The following CCDC57 variants were observed in gnomAD, a reference collection of about 807,000 sequenced individuals.
CCDC57 encodes the protein coiled-coil domain containing 57, also known as coiled-coil domain-containing protein 57.
CCDC57 carries 118 observed loss-of-function variants against 118.9 expected under a neutral mutation model. The observed-to-expected ratio is 0.99, with a 90% CI of 0.86 to 1.16. CCDC57 has a LOEUF of 1.16. Ranked by LOEUF, CCDC57 falls within the 50% of genes most tolerant of loss-of-function variation. The pLI, the probability that CCDC57 is intolerant of heterozygous loss-of-function variation, is 0.00. For missense variants in CCDC57, 1,300 were observed against 1,320.7 expected (o/e 0.98, Z 0.24); for synonymous variants, 527 against 532.9 (o/e 0.99, Z 0.15).
At chr17:82,106,629 G>C (rs2034866403) in intron 19 of CCDC57, 1 of 152,386 alleles carries the variant, frequency 6.6e-6, no homozygotes, top group Admixed American at 6.5e-5. Flanking sequence ...GCGACAGGAA[G>C]TGGCAGCTGT....
intron 19 of CCDC57, among the ~76,000 whole-genome samples, chr17:82,105,544 C>T (rs753503060): frequency 5.3e-5 from 8 of 152,130 alleles, no homozygotes; most frequent in African/African-American, 7.2e-5. Context: ...TCACAGGCCA[C>T]GCCCACCCGT....
intron 19 of CCDC57, chr17:82,126,762 T>A (rs542336916): frequency 1.1e-5 from 11 of 985,450 alleles, no homozygotes; most frequent in Non-Finnish European, 1.3e-5. Context: ...TCACACACAC[T>A]GCAGCCTGTA....
At chr17:82,119,088 A>AGGTGGGGGTGGGGGTGGG (rs1327262431) in intron 19 of CCDC57, among the ~76,000 whole-genome samples, 13 of 21,032 alleles carry the variant, frequency 6.2e-4, no homozygotes, top group Admixed American at 2.8e-3. Context: ...AGCGGGCGGG[A>AGGTGGGGGTGGGGGTGGG]GGTGGGGGCG....
intron 2 of CCDC57, among the ~76,000 whole-genome samples, chr17:82,205,178 G>A (rs577346617): frequency 6.6e-6 from 1 of 152,360 alleles, no homozygotes; most frequent in South Asian, 2.1e-4. Context: ...GAACACCACT[G>A]TGATCTCTGA....
At chr17:82,161,829 CG>C (rs1395777634) in intron 14 of CCDC57, among the ~76,000 whole-genome samples, 1 of 151,448 alleles carries the variant, frequency 6.6e-6, no homozygotes, top group Non-Finnish European at 1.5e-5. Flanking sequence ...AATGTTTATG[CG>C]ACATTGTGAA....
At chr17:82,163,014 C>G (rs2043532149) in intron 14 of CCDC57, among the ~76,000 whole-genome samples, 186 bp downstream of exon 13, 1 of 152,240 alleles carries the variant, frequency 6.6e-6, no homozygotes, top group Non-Finnish European at 1.5e-5. Context: ...CTTCCACGAG[C>G]ACACCTGAGA....
chr17:82,145,919 C>T (rs937100331), intron 16 of CCDC57: 48 of 359,436 alleles, frequency 1.3e-4, no homozygotes, highest in African/African-American at 3.6e-4. Context: ...GCACAGGGGA[C>T]GCCCCGGCAC....
In CCDC57 at chr17:82,201,711, G is replaced by A. The variant is rs748929592; in HGVS notation, c.234C>T (p.Phe78=). 2.3e-5 allele frequency: 37 copies of A among 1,613,842 alleles called. 1 individual carries two copies. The highest frequency in any genetic ancestry group is 9.9e-5 in the South Asian group (9 of 91,084). ...CCTCTTCCCACTCCCTGGCCTGGGC[G>A]AAGGCGGCGTCATAGCGCTCCAGCT... Residue 78 remains phenylalanine (F), a synonymous_variant, in exon 3 of 20, where the codon TTC becomes TTT. Transcript: ENST00000665763.
At chr17:82,129,957 G>A (rs1203490279) in intron 17 of CCDC57, among the ~76,000 whole-genome samples, 1 of 152,104 alleles carries the variant, frequency 6.6e-6, no homozygotes, top group South Asian at 2.1e-4. Context: ...AGCACTTTGG[G>A]AGGCCGAGGT....
intron 4 of CCDC57, among the ~76,000 whole-genome samples, chr17:82,197,275 CTGCACA>C (rs959883706): frequency 4.9e-4 from 75 of 152,302 alleles, no homozygotes; most frequent in Non-Finnish European, 9.0e-4. Context: ...ACACCTGCAC[CTGCACA>C]GGCACAGCCC....
At chr17:82,101,753 G>T (rs201831183) in exon 20 of CCDC57, 4 of 1,609,774 alleles carry the variant, frequency 2.5e-6, no homozygotes, top group Non-Finnish European at 3.4e-6. Flanking sequence ...GGATGAGACC[G>T]GGAGGCTCCT....
Position 82,192,465 on chromosome 17 carries a change from C to G in CCDC57, c.851+1291G>C, listed in dbSNP as rs1318978826. ...TGGGGCTAGATGCCCCTAACCCCCT[C>G]ACTGTTTAAGCATCAACTGTATTTC... On this transcript the variant is annotated intron_variant, in intron 7 of 19. Transcript: ENST00000665763. This position sits in a 1 kb window ranked among gnomAD's most constrained non-coding sequence, Gnocchi z 4.0. 6.6e-6 allele frequency among the ~76,000 whole-genome samples: 1 copy of G among 152,222 alleles called. No individual in the cohort carries two copies. The highest frequency in any genetic ancestry group is 2.4e-5 in the African/African-American group (1 of 41,450).
At chr17:82,211,116 C>T (rs1251562945) in intron 1 of CCDC57, among the ~76,000 whole-genome samples, 1 of 151,834 alleles carries the variant, frequency 6.6e-6, no homozygotes, top group African/African-American at 2.4e-5. Flanking sequence ...AGGACCCTAA[C>T]TTTATGGACA....
chr17:82,184,015 A>ATGCGCGCGCG, intron 8 of CCDC57, 83 bp from the exon 8 acceptor site: 1 of 525,134 alleles, frequency 1.9e-6, no homozygotes. Context: ...GCAAATACAC[A>ATGCGCGCGCG]TGCGCGCGCG....
intron 19 of CCDC57, among the ~76,000 whole-genome samples, chr17:82,119,242 T>C (rs1330843358): frequency 1.3e-5 from 2 of 152,072 alleles, no homozygotes; most frequent in Non-Finnish European, 1.5e-5. Context: ...CCAGGAAGTG[T>C]CATTTTTTTA....
intron 19 of CCDC57, among the ~76,000 whole-genome samples, chr17:82,119,629 C>T (rs2036394360): frequency 6.6e-6 from 1 of 151,976 alleles, no homozygotes; most frequent in Non-Finnish European, 1.5e-5. Context: ...GCTGGGCAAA[C>T]AAGGAGGGTG....
At chr17:82,194,166 A>G in intron 5 of CCDC57, 27 bp from the exon 5 acceptor site, 2 of 1,598,388 alleles carry the variant, frequency 1.3e-6, no homozygotes, top group South Asian at 1.1e-5. Context: ...TGAGTTCAAA[A>G]TGAGGTGATA....
chr17:82,197,396 C>T (rs1202317660), intron 4 of CCDC57, among the ~76,000 whole-genome samples: 2 of 152,232 alleles, frequency 1.3e-5, no homozygotes, highest in African/African-American at 4.8e-5. Context: ...GGATGTCTTT[C>T]AACAAAACCC....
chr17:82,190,102 C>T (rs57596657), intron 7 of CCDC57, among the ~76,000 whole-genome samples: 100,229 of 131,376 alleles, frequency 0.76, 40,151 homozygotes, highest in East Asian at 0.94. Flanking sequence ...ATAGAGTGAC[C>T]TCTCAAGGTT....
Sources: gnomAD v4.1 joint callset for allele counts (sites outside exome capture counted in the v4.1 genomes callset) on GRCh38, gnomAD v4.1.1 for gene constraint, Gnocchi (gnomAD v3.1) non-coding constraint, MANE v1.5 for transcripts, NCBI Gene and HGNC (gene_info 2026-07-23, HGNC 2026-07-21) for gene names.